MGMT: variants seen among roughly 807,000 people sequenced by gnomAD.
The protein encoded by MGMT is methylated-DNA--protein-cysteine methyltransferase.
Under a neutral mutation model 15.9 loss-of-function variants are expected in MGMT, and 14 were observed. The ratio of observed to expected loss-of-function variants is 0.88; its 90% confidence interval spans 0.58 to 1.37. The LOEUF (loss-of-function observed/expected upper bound fraction) is 1.37, where lower values mean the gene tolerates loss of function less well. Among genes scored for constraint, MGMT ranks in the 40% most tolerant of loss-of-function variants. The pLI, the probability that MGMT is intolerant of heterozygous loss-of-function variation, is 0.00. For missense variants in MGMT, 282 were observed against 268.1 expected (o/e 1.05, Z -0.36); for synonymous variants, 130 against 118.2 (o/e 1.10, Z -0.65).
chr10:129,765,760 G>A (rs1848926527), intron 4 of MGMT, among the ~76,000 whole-genome samples: 1 of 152,158 alleles, frequency 6.6e-6, no homozygotes, highest in Admixed American at 6.5e-5. Flanking sequence ...GTGCTAAGCT[G>A]GGCATACCCC....
At chr10:129,603,976 C>T (rs1012360645) in intron 2 of MGMT, among the ~76,000 whole-genome samples, 1 of 152,112 alleles carries the variant, frequency 6.6e-6, no homozygotes, top group African/African-American at 2.4e-5. Context: ...GGTAGGAGTG[C>T]CTGGTGCCCT....
rs1168993282 is a variant in MGMT at position 129,587,478 on chromosome 10, T to C, written c.125+51101T>C. 2.7e-5 allele frequency among the ~76,000 whole-genome samples: 4 copies of C among 150,516 alleles called. No homozygotes were observed. The East Asian group carries it at 7.7e-4, about 29-fold the overall frequency. ...AATCCATAAAAATTTGTGTCATTTT[T>C]ATATCTTAATTTTTCTTTTTCTTTT... On this transcript the variant is annotated intron_variant, in intron 2 of 4. Coordinates refer to ENST00000651593, the MANE Select transcript of MGMT (RefSeq NM_002412.5).
chr10:129,546,521 A>G (rs942334954), intron 2 of MGMT, among the ~76,000 whole-genome samples: 1 of 152,214 alleles, frequency 6.6e-6, no homozygotes, highest in African/African-American at 2.4e-5. Context: ...GTGAGCAAAG[A>G]ATAACCTCAG....
rs1845949008 is a variant in MGMT at position 129,533,001 on chromosome 10, G to A, written c.-12-3240G>A. ...ACATGTTGGCAGGCGTCAGCACCAGGGCTGGGCTCCTGCCTGGGACTCGAA... is the reference window on the plus strand; with the variant it reads ...ACATGTTGGCAGGCGTCAGCACCAGAGCTGGGCTCCTGCCTGGGACTCGAA... On this transcript the variant is annotated intron_variant, in intron 1 of 4. Transcript: ENST00000651593. The surrounding 1 kb of genome is among the most constrained non-coding windows in gnomAD (Gnocchi z 4.5). Among the ~76,000 whole-genome samples, 1 of 152,214 alleles carries A rather than the reference G, an allele frequency of 6.6e-6. No individual in the cohort carries two copies. Among genetic ancestry groups the A allele is most frequent in the South Asian group, 2.1e-4 (1 of 4,838 alleles).
rs952773234 is a variant in MGMT at position 129,556,482 on chromosome 10, T to C, written c.125+20105T>C. ...GAGAAAACCAGCTGTGCCTACACCT[T>C]GGGTTCAGACTTGCAGCACCCAGGC... On this transcript the variant is annotated intron_variant, in intron 2 of 4. Coordinates refer to ENST00000651593, the MANE Select transcript of MGMT (RefSeq NM_002412.5). The surrounding 1 kb of genome is among the most constrained non-coding windows in gnomAD (Gnocchi z 4.3). Among the ~76,000 whole-genome samples, 12 of 152,104 alleles carry C rather than the reference T, an allele frequency of 7.9e-5. No individual in the cohort carries two copies. Among genetic ancestry groups the C allele is most frequent in the Admixed American group, 2.0e-4 (3 of 15,272 alleles).
intron 2 of MGMT, among the ~76,000 whole-genome samples, chr10:129,668,921 G>C (rs1482363120): frequency 3.3e-5 from 5 of 152,038 alleles, no homozygotes; most frequent in Admixed American, 6.6e-5. Context: ...TGTTGAGGTT[G>C]TCTTAATCTT....
chr10:129,675,764 A>G (rs756173001), intron 2 of MGMT, among the ~76,000 whole-genome samples: 4 of 152,172 alleles, frequency 2.6e-5, no homozygotes, highest in Non-Finnish European at 4.4e-5. Context: ...AGAAGAGAGA[A>G]AGACCCAGTA....
chr10:129,609,376 G>A (rs562705052), intron 2 of MGMT, among the ~76,000 whole-genome samples: 11 of 151,634 alleles, frequency 7.3e-5, no homozygotes, highest in African/African-American at 2.4e-4. Flanking sequence ...GGCCCCATCC[G>A]GATGATAGAG....
intron 1 of MGMT, among the ~76,000 whole-genome samples, chr10:129,535,024 A>G (rs546119954): frequency 6.6e-6 from 1 of 152,306 alleles, no homozygotes; most frequent in African/African-American, 2.4e-5. Flanking sequence ...ATAAAACTTT[A>G]TTTACAAAGA....
At chr10:129,563,228 G>C (rs1040584018) in intron 2 of MGMT, among the ~76,000 whole-genome samples, 1 of 152,184 alleles carries the variant, frequency 6.6e-6, no homozygotes, top group African/African-American at 2.4e-5. Flanking sequence ...CTCTGTTTGA[G>C]TGCCTGTTAC....
chr10:129,535,682 G>A (rs1240888241), intron 1 of MGMT, among the ~76,000 whole-genome samples: 8 of 152,200 alleles, frequency 5.3e-5, no homozygotes, highest in Non-Finnish European at 8.8e-5. Flanking sequence ...TAAATTAAAT[G>A]TGCTTTCCAC....
At chr10:129,731,812 G>A (rs992420571) in intron 3 of MGMT, among the ~76,000 whole-genome samples, 5 of 152,174 alleles carry the variant, frequency 3.3e-5, no homozygotes, top group Non-Finnish European at 4.4e-5. Flanking sequence ...TGAGGAGAGT[G>A]GCACTGTTGT....
intron 3 of MGMT, among the ~76,000 whole-genome samples, chr10:129,721,863 G>C (rs571870692): frequency 6.6e-6 from 1 of 151,874 alleles, no homozygotes; most frequent in Non-Finnish European, 1.5e-5. Context: ...ATAGGGTAAA[G>C]GGGGAACAAA....
intron 2 of MGMT, among the ~76,000 whole-genome samples, chr10:129,611,180 C>G (rs1423796931): frequency 1.3e-5 from 2 of 152,164 alleles, no homozygotes; most frequent in African/African-American, 4.8e-5. Context: ...CATTCTCACA[C>G]TGCTATTAGC....
At position 129,467,400 on chromosome 10, in the gene MGMT, G is replaced by A. The variant is rs1204339956; in HGVS notation, c.-13+104G>A. ...AGGCGCCCTCACTTCGCCGTCGGGTGTGGGGCCGCCCTGACCCCCACCCAT... is the reference window on the plus strand; with the variant it reads ...AGGCGCCCTCACTTCGCCGTCGGGTATGGGGCCGCCCTGACCCCCACCCAT... On this transcript the variant is annotated intron_variant, in intron 1 of 4. Transcript: ENST00000651593. The A allele has an allele frequency of 5.0e-6, 7 of 1,387,934 alleles. No individual in the cohort carries two copies. In the South Asian group the frequency reaches 9.4e-5, roughly 19 times the overall value. The allele number at this position is 1,387,934 out of a possible 1,614,324, so 86.0% of individuals were successfully genotyped here.
intron 2 of MGMT, among the ~76,000 whole-genome samples, chr10:129,698,037 C>T (rs1483156586): frequency 6.6e-6 from 1 of 152,206 alleles, no homozygotes; most frequent in Non-Finnish European, 1.5e-5. Flanking sequence ...CGTTGACTCT[C>T]CATGTCTGGT....
intron 2 of MGMT, chr10:129,563,637 A>T (rs1846305615): frequency 6.6e-6 from 1 of 152,148 alleles, no homozygotes; most frequent in African/African-American, 2.4e-5. Context: ...TCCTGCTAGG[A>T]GGCAAGGTCA....
chr10:129,718,196 C>T (rs1030635567), intron 3 of MGMT, among the ~76,000 whole-genome samples: 1 of 152,236 alleles, frequency 6.6e-6, no homozygotes, highest in African/African-American at 2.4e-5. Flanking sequence ...AGCTACAAGG[C>T]AAAGCTCATC....
intron 2 of MGMT, among the ~76,000 whole-genome samples, chr10:129,632,659 G>A (rs1210595361): frequency 6.6e-6 from 1 of 152,178 alleles, no homozygotes; most frequent in Non-Finnish European, 1.5e-5. Context: ...ATGTCGGCCC[G>A]ATTCTTTGGT....
Sources: gnomAD v4.1 joint callset for allele counts (sites outside exome capture counted in the v4.1 genomes callset) on GRCh38, gnomAD v4.1.1 for gene constraint, Gnocchi (gnomAD v3.1) non-coding constraint, MANE v1.5 for transcripts, NCBI Gene and HGNC (gene_info 2026-07-23, HGNC 2026-07-21) for gene names.